The following RNLS variants were observed in gnomAD, a reference collection of about 807,000 sequenced individuals.
RNLS encodes the protein renalase.
RNLS carries 39 observed loss-of-function variants against 39.8 expected under a neutral mutation model. The observed-to-expected ratio is 0.98, with a 90% CI of 0.76 to 1.28. RNLS has a LOEUF of 1.28. Among genes scored for constraint, RNLS ranks in the 50% most tolerant of loss-of-function variants. RNLS has a pLI of 0.00. For missense variants in RNLS, 410 were observed against 413.3 expected (o/e 0.99, Z 0.07); for synonymous variants, 147 against 150.7 (o/e 0.98, Z 0.18).
intron 4 of RNLS, among the ~76,000 whole-genome samples, chr10:88,442,805 T>C (rs962673138): frequency 2.8e-4 from 43 of 152,292 alleles, no homozygotes; most frequent in African/African-American, 1.0e-3. Flanking sequence ...CTGTCAGCAG[T>C]CACTTTTATG....
the RNLS span, among the ~76,000 whole-genome samples, chr10:88,229,733 T>C: frequency 6.6e-6 from 1 of 152,252 alleles, no homozygotes; most frequent in Non-Finnish European, 1.5e-5. Flanking sequence ...GATTTATCTA[T>C]TCTGAACAGT....
intron 4 of RNLS, among the ~76,000 whole-genome samples, chr10:88,471,193 T>C (rs1843501247): frequency 6.6e-6 from 1 of 152,218 alleles, no homozygotes; most frequent in Non-Finnish European, 1.5e-5. Context: ...TATATCAATA[T>C]ATCTATTCCA....
At chr10:88,433,611 C>T (rs1435020936) in intron 4 of RNLS, among the ~76,000 whole-genome samples, 3 of 151,840 alleles carry the variant, frequency 2.0e-5, no homozygotes, top group Admixed American at 6.6e-5. Context: ...AATTTACTTC[C>T]TTTGCTTTTC....
At chr10:88,283,573 G>A (rs1843101469), downstream of RNLS, among the ~76,000 whole-genome samples, 4 of 152,042 alleles carry the variant, frequency 2.6e-5, no homozygotes, top group Admixed American at 2.6e-4. Context: ...GGTAAATATG[G>A]TAGAATATGG....
At chr10:88,337,858 A>C (rs1847626071) in intron 5 of RNLS, among the ~76,000 whole-genome samples, 1 of 152,054 alleles carries the variant, frequency 6.6e-6, no homozygotes, top group Non-Finnish European at 1.5e-5. Context: ...TGGCATATTT[A>C]TGCTCGTTCT....
intron 4 of RNLS, among the ~76,000 whole-genome samples, chr10:88,521,995 A>T (rs538543068): frequency 1.3e-5 from 2 of 152,248 alleles, no homozygotes; most frequent in South Asian, 4.1e-4. Flanking sequence ...GCAAATGCTC[A>T]AACCAGCTTT....
chr10:88,373,439 A>G (rs1301471042), intron 4 of RNLS, among the ~76,000 whole-genome samples: 3 of 152,140 alleles, frequency 2.0e-5, no homozygotes, highest in Non-Finnish European at 4.4e-5. Context: ...AAGCAAATAA[A>G]CTAAACTTGG....
At chr10:88,322,218 A>C (rs879092485) in intron 5 of RNLS, among the ~76,000 whole-genome samples, 2 of 152,222 alleles carry the variant, frequency 1.3e-5, no homozygotes, top group Non-Finnish European at 2.9e-5. Context: ...AAATGCATTC[A>C]ATAAAATCCA....
chr10:88,182,796 T>G, the RNLS span, among the ~76,000 whole-genome samples: 1 of 151,872 alleles, frequency 6.6e-6, no homozygotes. Flanking sequence ...CAGTGAAGCT[T>G]TTTTTTGTTT....
chr10:88,283,631 A>G (rs1455446085), downstream of RNLS, among the ~76,000 whole-genome samples: 1 of 152,178 alleles, frequency 6.6e-6, no homozygotes, highest in Non-Finnish European at 1.5e-5. Context: ...ATGCACCCAT[A>G]AAAAAGAATG....
intron 4 of RNLS, among the ~76,000 whole-genome samples, chr10:88,395,095 A>T (rs1852471203): frequency 1.3e-5 from 2 of 152,052 alleles, no homozygotes; most frequent in African/African-American, 4.8e-5. Flanking sequence ...CTAATGCTAA[A>T]TGACGAGTTA....
intron 5 of RNLS, among the ~76,000 whole-genome samples, chr10:88,350,255 A>C (rs191844012): frequency 4.9e-4 from 74 of 151,684 alleles, no homozygotes; most frequent in Middle Eastern, 6.8e-3. Flanking sequence ...ATTATACTTT[A>C]AGTTCTAGGG....
chr10:88,205,733 A>T, the RNLS span, among the ~76,000 whole-genome samples: 1 of 152,166 alleles, frequency 6.6e-6, no homozygotes, highest in Non-Finnish European at 1.5e-5. Flanking sequence ...ATTTCCTTTT[A>T]AAAAATCAAA....
chr10:88,188,695 T>A, the RNLS span, among the ~76,000 whole-genome samples: 2 of 152,206 alleles, frequency 1.3e-5, no homozygotes, highest in African/African-American at 2.4e-5. Flanking sequence ...TTAGCTTTTT[T>A]AAAAAGCTAG....
intron 6 of RNLS, among the ~76,000 whole-genome samples, chr10:88,309,114 C>A (rs765915057): frequency 2.6e-5 from 4 of 151,938 alleles, no homozygotes; most frequent in Admixed American, 6.6e-5. Context: ...CACCCAAGGG[C>A]CTATCAGAGG....
the RNLS span, among the ~76,000 whole-genome samples, chr10:88,220,932 G>C: frequency 1.3e-5 from 2 of 152,228 alleles, no homozygotes; most frequent in Non-Finnish European, 2.9e-5. Flanking sequence ...TTGGGATTCT[G>C]CAGCTAGCAA....
At chr10:88,177,007 A>G in the RNLS span, among the ~76,000 whole-genome samples, 1 of 152,112 alleles carries the variant, frequency 6.6e-6, no homozygotes, top group Non-Finnish European at 1.5e-5. Context: ...TTGTTTTCAG[A>G]ATTCTCTCTT....
At chr10:88,366,662 T>TAA (rs1564735782) in intron 4 of RNLS, among the ~76,000 whole-genome samples, 2 of 32,246 alleles carry the variant, frequency 6.2e-5, no homozygotes, top group Non-Finnish European at 1.1e-4. Context: ...GTAAGTTTTC[T>TAA]GAAAAAAAAA....
chr10:88,388,453 C>T lies in RNLS; in HGVS notation c.527-25728G>A, dbSNP rs201988243. ...TTCAAAATCCTTCCCAGGATCTGGC[C>T]CCAGTTTAATTTGCCTCACTCTGCC... On this transcript the variant is annotated intron_variant, in intron 4 of 6. Coordinates refer to ENST00000331772, the MANE Select transcript of RNLS (RefSeq NM_001031709.3). 3.3e-5 allele frequency among the ~76,000 whole-genome samples: 5 copies of T among 152,226 alleles called. No individual in the cohort carries two copies. In the East Asian group the frequency reaches 9.6e-4, roughly 29 times the overall value.
Sources: allele counts gnomAD v4.1 joint callset (sites outside exome capture counted in the v4.1 genomes callset), GRCh38; gene constraint gnomAD v4.1.1; transcripts MANE v1.5; gene names NCBI Gene and HGNC (gene_info 2026-07-23, HGNC 2026-07-21).